Variants in SCARB1 observed in about 807,000 individuals in gnomAD.
SCARB1 encodes scavenger receptor class B member 1, also known as CD36 and LIMPII analogous 1.
SCARB1 carries 30 observed loss-of-function variants against 57.2 expected under a neutral mutation model. That is an observed-to-expected ratio of 0.52 (90% CI 0.39 to 0.71). The LOEUF is 0.71. Ranked by LOEUF, SCARB1 falls within the 30% of genes least tolerant of loss-of-function variation. The probability of loss-of-function intolerance (pLI) is 0.00; values close to 1 mark genes in which losing one functional copy is unlikely to be tolerated. For synonymous variants in SCARB1, 249 were observed against 268.3 expected (o/e 0.93, Z 0.70); for missense variants, 543 against 671.2 (o/e 0.81, Z 2.11).
chr12:124,855,304 G>A (rs528443408), intron 1 of SCARB1, among the ~76,000 whole-genome samples: 1 of 152,274 alleles, frequency 6.6e-6, no homozygotes, highest in Admixed American at 6.5e-5. Flanking sequence ...AGACGGCCAG[G>A]CCTTGGGCCA....
At chr12:124,839,375 C>T (rs192008291) in intron 1 of SCARB1, 129 of 435,628 alleles carry the variant, frequency 3.0e-4, no homozygotes, top group African/African-American at 2.3e-3. Flanking sequence ...TCGCAGCGTG[C>T]GTCCAAACGT....
intron 4 of SCARB1, among the ~76,000 whole-genome samples, chr12:124,813,812 C>T (rs539445625): frequency 6.6e-6 from 1 of 152,210 alleles, no homozygotes; most frequent in East Asian, 1.9e-4. Context: ...TCAGACCCTC[C>T]ATGGACGAGA....
intron 10 of SCARB1, among the ~76,000 whole-genome samples, 168 bp downstream of exon 10, chr12:124,787,238 A>G (rs921976612): frequency 3.3e-5 from 5 of 152,152 alleles, no homozygotes; most frequent in African/African-American, 1.2e-4. Context: ...TAACTGACAT[A>G]GGGTGCTTGG....
chr12:124,821,707 T>C lies in SCARB1; in HGVS notation c.127-4000A>G, dbSNP rs1950963618. Among the ~76,000 whole-genome samples, 4 of 152,168 alleles carry C rather than the reference T, an allele frequency of 2.6e-5. No homozygotes were observed. The South Asian group carries it at 8.3e-4, about 32-fold the overall frequency. ...CTGCTGTGAGGTTTGAATGAGTCCA[T>C]GGAGGTAAAGTGCTTAGAACAAGGT... On this transcript the variant is annotated intron_variant, in intron 1 of 12. Coordinates refer to ENST00000261693, the MANE Select transcript of SCARB1 (RefSeq NM_005505.5).
At position 124,863,592 on chromosome 12, in the gene SCARB1, C is replaced by G. The variant is rs1251467301; in HGVS notation, c.126+3G>C. ...CGGACCCCCTGGGGTCTCCCTCACC[C>G]ACCTTAAGGACCTGCTGCTTGATGA... On this transcript the variant is annotated splice_donor_region_variant and intron_variant, in intron 1 of 12. Transcript: ENST00000261693. 1.2e-6 allele frequency: 2 copies of G among 1,602,836 alleles called. No individual in the cohort carries two copies. The highest frequency in any genetic ancestry group is 2.7e-5 in the African/African-American group (2 of 73,814).
intron 7 of SCARB1, among the ~76,000 whole-genome samples, chr12:124,801,270 G>A (rs547871388): frequency 6.6e-6 from 1 of 152,154 alleles, no homozygotes; most frequent in Non-Finnish European, 1.5e-5. Flanking sequence ...CAGAGCCAAC[G>A]GGTGGTGACC....
rs376944735 is a variant in SCARB1, at chr12:124,810,157, C to G, written c.842+17G>C. On this transcript the variant is annotated intron_variant, in intron 6 of 12. Coordinates refer to ENST00000261693, the MANE Select transcript of SCARB1 (RefSeq NM_005505.5). The surrounding 1 kb of genome is among the most constrained non-coding windows in gnomAD (Gnocchi z 4.0). ...GCTACCCAGGAAACCCAGGAGGCCC[C>G]GAGTCCCAGTGATTACCGGCAGGCC... The G allele has an allele frequency of 1.9e-4, 293 of 1,567,110 alleles. No individual in the cohort carries two copies. Among genetic ancestry groups the G allele is most frequent in the Non-Finnish European group, 2.5e-4 (279 of 1,137,800 alleles).
intron 1 of SCARB1, among the ~76,000 whole-genome samples, chr12:124,821,008 C>T (rs961632278): frequency 1.3e-5 from 2 of 152,018 alleles, no homozygotes; most frequent in Admixed American, 6.6e-5. Flanking sequence ...TTTGAGGGGC[C>T]GAGGCAGGCA....
intron 8 of SCARB1, among the ~76,000 whole-genome samples, chr12:124,798,402 C>T (rs1950020906): frequency 6.6e-6 from 1 of 150,408 alleles, no homozygotes; most frequent in African/African-American, 2.4e-5. Context: ...CGCAGCAAGA[C>T]TCTGTCTCAA....
chr12:124,862,722 T>C (rs1306352622), intron 1 of SCARB1, among the ~76,000 whole-genome samples: 1 of 151,826 alleles, frequency 6.6e-6, no homozygotes, highest in East Asian at 1.9e-4. Context: ...AAATGGCTTT[T>C]AGTTCAAATG....
At chr12:124,788,768 T>C (rs1949614503) in intron 9 of SCARB1, among the ~76,000 whole-genome samples, 1 of 152,202 alleles carries the variant, frequency 6.6e-6, no homozygotes, top group Admixed American at 6.5e-5. Flanking sequence ...ATTCCACCAA[T>C]ATACCTCACG....
chr12:124,787,084 C>T (rs1210721294), intron 10 of SCARB1, among the ~76,000 whole-genome samples: 1 of 152,248 alleles, frequency 6.6e-6, no homozygotes. Context: ...GAAAAGCTGA[C>T]ACCTTGGAAA....
chr12:124,863,604 C>A lies in SCARB1; in HGVS notation c.117G>T (p.Gln39His). The A allele has an allele frequency of 6.2e-7, 1 of 1,603,032 alleles. No homozygotes were observed. The highest frequency in any genetic ancestry group is 8.5e-7 in the Non-Finnish European group (1 of 1,174,956). The change falls in exon 1 of 13, where the codon CAG (glutamine) becomes CAT (histidine). Residue 39 changes from glutamine (Q) to histidine (H), a missense_variant. Coordinates refer to ENST00000261693, the MANE Select transcript of SCARB1 (RefSeq NM_005505.5). The part of the protein sequence containing the change: ...IVMVPSLIKQ[Q>H]VLKNVRIDPS... ...GGTCTCCCTCACCCACCTTAAGGAC[C>A]TGCTGCTTGATGAGCGACGGCACCA...
intron 9 of SCARB1, among the ~76,000 whole-genome samples, chr12:124,790,924 C>T (rs887762924): frequency 5.3e-5 from 8 of 152,232 alleles, no homozygotes; most frequent in Non-Finnish European, 1.0e-4. Context: ...CCATTGCTCC[C>T]TAACTGACAA....
intron 11 of SCARB1, chr12:124,785,285 C>T: frequency 6.6e-6 from 1 of 152,644 alleles, no homozygotes; most frequent in South Asian, 2.1e-4. Flanking sequence ...TTCCAAACTG[C>T]TCACTGTGCA....
chr12:124,799,666 C>T (rs560240948), intron 8 of SCARB1, among the ~76,000 whole-genome samples: 1 of 152,044 alleles, frequency 6.6e-6, no homozygotes, highest in South Asian at 2.1e-4. Flanking sequence ...ACGGAGGTGC[C>T]AAGAGAAGAG....
intron 1 of SCARB1, chr12:124,840,121 C>A: frequency 8.2e-7 from 1 of 1,218,594 alleles, no homozygotes; most frequent in Non-Finnish European, 1.1e-6. Flanking sequence ...CTCACTGATT[C>A]TCATTTCCCT....
At chr12:124,832,230 G>A (rs1371688441) in intron 1 of SCARB1, among the ~76,000 whole-genome samples, 4 of 152,148 alleles carry the variant, frequency 2.6e-5, no homozygotes, top group South Asian at 2.1e-4. Context: ...AAGTTGAACT[G>A]TTCTAGGCCG....
rs1204062350 is a variant in SCARB1 at position 124,800,700 on chromosome 12, G to C, written c.1010-458C>G. 6.6e-6 allele frequency among the ~76,000 whole-genome samples: 1 copy of C among 152,182 alleles called. No individual in the cohort carries two copies. The highest frequency in any genetic ancestry group is 2.4e-5 in the African/African-American group (1 of 41,426). ...AAGCAGCCCACACTGTCCCCTGCAG[G>C]ACACGCAGCAATGATCGGAGCTCAG... On this transcript the variant is annotated intron_variant, in intron 7 of 12. Transcript: ENST00000261693. The surrounding 1 kb of genome is among the most constrained non-coding windows in gnomAD (Gnocchi z 4.8).
Sources: allele counts gnomAD v4.1 joint callset (sites outside exome capture counted in the v4.1 genomes callset), GRCh38; gene constraint gnomAD v4.1.1; non-coding constraint Gnocchi (gnomAD v3.1); transcripts MANE v1.5; gene names NCBI Gene and HGNC (gene_info 2026-07-23, HGNC 2026-07-21).